Variants in CDH13 observed in about 807,000 individuals in gnomAD.
CDH13 encodes the protein cadherin 13, also known as cadherin-13.
In CDH13, 24 loss-of-function variants were observed where a neutral mutation model predicts 63.8. The ratio of observed to expected loss-of-function variants is 0.38; its 90% CI spans 0.27 to 0.53. CDH13 has a LOEUF of 0.53. Among genes scored for constraint, CDH13 ranks in the 20% least tolerant of loss-of-function variants. The pLI is 0.85. For synonymous variants in CDH13, 503 were observed against 355.3 expected, an observed-to-expected ratio of 1.42 and a Z score of -4.67; for missense variants, 1,049 against 903.1, an observed-to-expected ratio of 1.16 and a Z score of -2.07.
intron 5 of CDH13, among the ~76,000 whole-genome samples, chr16:83,271,915 A>G (rs1340391230): frequency 2.0e-5 from 3 of 152,224 alleles, no homozygotes; most frequent in Admixed American, 6.5e-5. Flanking sequence ...TAAGTGATCC[A>G]TATGAAGATC....
At chr16:83,106,190 C>A (rs1285405105) in intron 3 of CDH13, among the ~76,000 whole-genome samples, 1 of 152,180 alleles carries the variant, frequency 6.6e-6, no homozygotes, top group Admixed American at 6.6e-5. Flanking sequence ...GAAACTCTAC[C>A]TACAACGTCA....
At chr16:83,219,047 C>A (rs138774288) in intron 5 of CDH13, among the ~76,000 whole-genome samples, 7 of 152,160 alleles carry the variant, frequency 4.6e-5, no homozygotes, top group South Asian at 2.1e-4. Flanking sequence ...TACCCAGTCC[C>A]GGGTATGTCT....
At chr16:82,676,569 A>G (rs375409116) in intron 1 of CDH13, among the ~76,000 whole-genome samples, 3 of 147,372 alleles carry the variant, frequency 2.0e-5, no homozygotes, top group East Asian at 2.0e-4. Flanking sequence ...CCTTCTTCCA[A>G]TCTTTCTCTT....
chr16:82,773,264 C>G (rs991524009), intron 1 of CDH13: 3 of 152,224 alleles, frequency 2.0e-5, no homozygotes, highest in African/African-American at 7.2e-5. Flanking sequence ...TTTGTGGTTT[C>G]CTTTGCCATA....
chr16:83,393,729 AG>A (rs1469870862), intron 6 of CDH13, among the ~76,000 whole-genome samples: 2 of 152,224 alleles, frequency 1.3e-5, no homozygotes, highest in Non-Finnish European at 2.9e-5. Flanking sequence ...TCAAGGAACC[AG>A]GCTCAGCCCA....
chr16:83,450,725 C>T (rs992799234), intron 6 of CDH13, among the ~76,000 whole-genome samples: 2 of 152,086 alleles, frequency 1.3e-5, no homozygotes, highest in African/African-American at 4.8e-5. Context: ...AAAAAATTAG[C>T]CAGGCATGGT....
At chr16:83,293,034 C>T (rs2089502051) in intron 5 of CDH13, among the ~76,000 whole-genome samples, 2 of 152,180 alleles carry the variant, frequency 1.3e-5, no homozygotes, top group African/African-American at 4.8e-5. Context: ...ATAGTTGAGT[C>T]AATTACATAA....
At chr16:82,763,308 G>A (rs2034924992) in intron 1 of CDH13, among the ~76,000 whole-genome samples, 1 of 152,100 alleles carries the variant, frequency 6.6e-6, no homozygotes, top group Non-Finnish European at 1.5e-5. Flanking sequence ...TTTCTTCACA[G>A]CACTTATTTC....
intron 6 of CDH13, among the ~76,000 whole-genome samples, chr16:83,464,076 T>A (rs2073247400): frequency 6.6e-6 from 1 of 152,162 alleles, no homozygotes; most frequent in Non-Finnish European, 1.5e-5. Context: ...TTTATTGTTT[T>A]GTTTTGTTTT....
At chr16:83,716,579 A>G (rs1202872476) in intron 10 of CDH13, among the ~76,000 whole-genome samples, 7 of 151,910 alleles carry the variant, frequency 4.6e-5, no homozygotes, top group Non-Finnish European at 2.9e-5. Context: ...CACCTCCTGG[A>G]CTCAAGCAAT....
intron 7 of CDH13, among the ~76,000 whole-genome samples, chr16:83,592,502 T>C (rs1429808680): frequency 6.6e-6 from 1 of 152,212 alleles, no homozygotes; most frequent in African/African-American, 2.4e-5. Flanking sequence ...AGATGCTTTT[T>C]CCAGGGGTTC....
At chr16:82,809,797 C>G (rs551044551) in intron 1 of CDH13, among the ~76,000 whole-genome samples, 3 of 152,078 alleles carry the variant, frequency 2.0e-5, no homozygotes, top group Non-Finnish European at 4.4e-5. Flanking sequence ...TAACAAGTCC[C>G]CTGATTTACC....
intron 1 of CDH13, among the ~76,000 whole-genome samples, chr16:82,646,028 G>A (rs1267558492): frequency 2.6e-5 from 4 of 152,204 alleles, no homozygotes; most frequent in Non-Finnish European, 4.4e-5. Flanking sequence ...CTTAAGTGGT[G>A]ACTTCACAAA....
chr16:83,366,715 A>G (rs944406808), intron 6 of CDH13, among the ~76,000 whole-genome samples: 1 of 152,140 alleles, frequency 6.6e-6, no homozygotes, highest in African/African-American at 2.4e-5. Flanking sequence ...CCCTTAATGT[A>G]CTTGTTTTGG....
intron 8 of CDH13, among the ~76,000 whole-genome samples, chr16:83,646,466 C>T (rs772925325): frequency 1.7e-4 from 26 of 151,962 alleles, no homozygotes; most frequent in South Asian, 8.3e-4. Context: ...TTTGGGAGGC[C>T]GAGGTGGGTG....
At chr16:83,066,758 T>C (rs948890950) in intron 3 of CDH13, among the ~76,000 whole-genome samples, 1 of 152,188 alleles carries the variant, frequency 6.6e-6, no homozygotes, top group African/African-American at 2.4e-5. Flanking sequence ...AAAATTACTG[T>C]CACAGAGACT....
intron 10 of CDH13, among the ~76,000 whole-genome samples, chr16:83,692,305 G>A (rs8059763): frequency 0.28 from 41,969 of 152,072 alleles, 5,786 homozygotes; most frequent in Middle Eastern, 0.33. Flanking sequence ...AGTCTGGCCA[G>A]ATCTCCATGG....
At chr16:83,108,178 C>G (rs1159303363) in intron 3 of CDH13, among the ~76,000 whole-genome samples, 1 of 152,046 alleles carries the variant, frequency 6.6e-6, no homozygotes, top group Non-Finnish European at 1.5e-5. Flanking sequence ...TAGTTAAGGC[C>G]ATGGTTGTGA....
intron 2 of CDH13, among the ~76,000 whole-genome samples, chr16:82,989,781 A>T (rs1477382647): frequency 6.6e-6 from 1 of 151,958 alleles, no homozygotes; most frequent in Non-Finnish European, 1.5e-5. Context: ...CTGGCCAGTG[A>T]CTCTTTAACC....
Sources: allele counts gnomAD v4.1 joint callset (sites outside exome capture counted in the v4.1 genomes callset), GRCh38; gene constraint gnomAD v4.1.1; transcripts MANE v1.5; gene names NCBI Gene and HGNC (gene_info 2026-07-23, HGNC 2026-07-21).